RBFOX1: variants seen among roughly 807,000 people sequenced by gnomAD.
RBFOX1 encodes the protein RNA binding protein fox-1 homolog 1.
Under a neutral mutation model 57.7 loss-of-function variants are expected in RBFOX1, and 8 were observed. That is an observed-to-expected ratio of 0.14 (90% CI 0.08 to 0.25). RBFOX1 has a LOEUF of 0.25. Among genes scored for constraint, RBFOX1 ranks in the 10% least tolerant of loss-of-function variants. RBFOX1 has a pLI of 1.00. For synonymous variants in RBFOX1, 326 were observed against 222.4 expected, an observed-to-expected ratio of 1.47 and a Z score of -4.15; for missense variants, 611 against 548.5, an observed-to-expected ratio of 1.11 and a Z score of -1.14.
chr16:5,432,940 C>T (rs1292870592), intron 1 of RBFOX1, among the ~76,000 whole-genome samples: 1 of 152,160 alleles, frequency 6.6e-6, no homozygotes, highest in African/African-American at 2.4e-5. Flanking sequence ...CCCACACCAC[C>T]ACTCCTGGCT....
chr16:5,945,224 G>C (rs561216555), intron 4 of RBFOX1, among the ~76,000 whole-genome samples: 8 of 152,246 alleles, frequency 5.3e-5, no homozygotes, highest in African/African-American at 1.9e-4. Context: ...AGATAAAAAA[G>C]CTGCCTGGCC....
intron 3 of RBFOX1, among the ~76,000 whole-genome samples, chr16:5,735,859 G>A (rs2052551355): frequency 6.6e-6 from 1 of 152,170 alleles, no homozygotes; most frequent in Admixed American, 6.5e-5. Context: ...CTTGGTGACA[G>A]AGCAAGACTC....
At chr16:7,115,910 T>C (rs2065807658) in intron 4 of RBFOX1, among the ~76,000 whole-genome samples, 1 of 152,318 alleles carries the variant, frequency 6.6e-6, no homozygotes. Flanking sequence ...CAGTGATGCG[T>C]ATAATAGGCA....
chr16:6,366,725 G>A (rs1031779653), intron 2 of RBFOX1, among the ~76,000 whole-genome samples: 1 of 152,178 alleles, frequency 6.6e-6, no homozygotes, highest in Admixed American at 6.5e-5. Context: ...GTTTACAGAG[G>A]AGGCAACTGA....
intron 3 of RBFOX1, among the ~76,000 whole-genome samples, chr16:6,824,949 C>G (rs1245140499): frequency 8.3e-6 from 1 of 120,038 alleles, no homozygotes; most frequent in African/African-American, 2.9e-5. Context: ...GTGCATCCTT[C>G]TACACTGAGG....
At chr16:5,422,239 G>GAGGGAA (rs2067353694) in intron 1 of RBFOX1, among the ~76,000 whole-genome samples, 1 of 146,506 alleles carries the variant, frequency 6.8e-6, no homozygotes, top group South Asian at 2.2e-4. Flanking sequence ...GGGAGAGGGA[G>GAGGGAA]GAGGAGCAGG....
chr16:5,963,741 A>C (rs908243440), intron 4 of RBFOX1, among the ~76,000 whole-genome samples: 1 of 152,218 alleles, frequency 6.6e-6, no homozygotes, highest in Non-Finnish European at 1.5e-5. Context: ...ATCTTATACT[A>C]TACATAAAAA....
chr16:6,899,267 CGT>C (rs1473618448), intron 3 of RBFOX1, among the ~76,000 whole-genome samples: 3 of 151,812 alleles, frequency 2.0e-5, no homozygotes, highest in African/African-American at 4.8e-5. Flanking sequence ...GTGTGTATAA[CGT>C]GTGCATGTAT....
intron 4 of RBFOX1, among the ~76,000 whole-genome samples, chr16:7,246,282 C>G (rs953382803): frequency 4.6e-5 from 7 of 152,146 alleles, no homozygotes; most frequent in Non-Finnish European, 8.8e-5. Flanking sequence ...ATCCAATTGC[C>G]TCTCACCTGG....
intron 3 of RBFOX1, among the ~76,000 whole-genome samples, chr16:6,769,863 A>G (rs2078008096): frequency 6.6e-6 from 1 of 152,152 alleles, no homozygotes; most frequent in African/African-American, 2.4e-5. Flanking sequence ...TTTGAAGATG[A>G]TTTGTTTGGA....
At chr16:7,059,955 T>G (rs1398532543) in intron 4 of RBFOX1, among the ~76,000 whole-genome samples, 2 of 152,210 alleles carry the variant, frequency 1.3e-5, no homozygotes, top group African/African-American at 4.8e-5. Flanking sequence ...ATTCAAAAAT[T>G]ATTTTGCTTA....
At chr16:7,469,628 T>C (rs1004198860) in intron 4 of RBFOX1, among the ~76,000 whole-genome samples, 3 of 152,214 alleles carry the variant, frequency 2.0e-5, no homozygotes, top group Non-Finnish European at 4.4e-5. Context: ...ACACTCCGTT[T>C]CCTCTCTTCT....
intron 4 of RBFOX1, among the ~76,000 whole-genome samples, chr16:5,878,953 C>G (rs1170004491): frequency 6.6e-6 from 1 of 152,158 alleles, no homozygotes; most frequent in Admixed American, 6.5e-5. Context: ...ACATCTGACG[C>G]GTTTTACATG....
chr16:6,661,303 T>C (rs1487725215), intron 3 of RBFOX1, among the ~76,000 whole-genome samples: 1 of 152,136 alleles, frequency 6.6e-6, no homozygotes, highest in Non-Finnish European at 1.5e-5. Flanking sequence ...GCTCTGTCGG[T>C]CTATGAAAGG....
intron 4 of RBFOX1, among the ~76,000 whole-genome samples, chr16:7,218,667 T>TGTGTGTGCGC (rs1555586814): frequency 2.7e-5 from 4 of 148,094 alleles, no homozygotes; most frequent in African/African-American, 1.0e-4. Flanking sequence ...TGTGTGTGTG[T>TGTGTGTGCGC]GTGTGTGTGT....
intron 3 of RBFOX1, among the ~76,000 whole-genome samples, chr16:6,802,480 C>T (rs764771818): frequency 6.6e-6 from 1 of 152,108 alleles, no homozygotes; most frequent in Non-Finnish European, 1.5e-5. Context: ...AGTTTGAGAC[C>T]AGCCTGACCA....
chr16:6,656,503 T>G (rs2098653112), intron 3 of RBFOX1, among the ~76,000 whole-genome samples: 2 of 151,930 alleles, frequency 1.3e-5, no homozygotes, highest in African/African-American at 4.8e-5. Flanking sequence ...CTGCCCTGGT[T>G]TCTGGCTACT....
At chr16:6,808,695 C>A (rs889370456) in intron 3 of RBFOX1, among the ~76,000 whole-genome samples, 1 of 152,038 alleles carries the variant, frequency 6.6e-6, no homozygotes, top group Non-Finnish European at 1.5e-5. Context: ...AAGAGTAATG[C>A]TTCCTCCAAC....
At chr16:7,447,294 G>A (rs968737539) in intron 4 of RBFOX1, among the ~76,000 whole-genome samples, 6 of 151,854 alleles carry the variant, frequency 4.0e-5, no homozygotes, top group African/African-American at 1.5e-4. Context: ...TTAGCCAGCT[G>A]TGGTGGCACA....
Sources: allele counts gnomAD v4.1 joint callset (sites outside exome capture counted in the v4.1 genomes callset), GRCh38; gene constraint gnomAD v4.1.1; transcripts MANE v1.5; gene names NCBI Gene and HGNC (gene_info 2026-07-23, HGNC 2026-07-21).